The following INSR variants were observed in gnomAD, a reference collection of about 807,000 sequenced individuals.
INSR encodes the protein insulin receptor.
INSR carries 67 observed loss-of-function variants against 142.6 expected under a neutral mutation model. That is an observed-to-expected ratio of 0.47 (90% confidence interval 0.39 to 0.58). The LOEUF is 0.58. Among genes scored for constraint, INSR ranks in the 20% least tolerant of loss-of-function variants. The pLI is 0.00. For missense variants in INSR, 1,248 were observed against 1,833.2 expected, an observed-to-expected ratio of 0.68 and a Z score of 5.83; for synonymous variants, 756 against 743.1, an observed-to-expected ratio of 1.02 and a Z score of -0.28.
At chr19:7,215,427 C>G (rs531169528) in intron 2 of INSR, among the ~76,000 whole-genome samples, 2 of 152,170 alleles carry the variant, frequency 1.3e-5, no homozygotes, top group East Asian at 1.9e-4. Context: ...ACCACCACCC[C>G]CTCCACCCAC....
intron 2 of INSR, among the ~76,000 whole-genome samples, chr19:7,222,821 T>C (rs7508679): frequency 0.6 from 91,901 of 151,936 alleles, 28,204 homozygotes; most frequent in African/African-American, 0.69. Context: ...ATAAGGAAGT[T>C]TGCTTACTCC....
At position 7,122,943 on chromosome 19, in the gene INSR, AC is replaced by A. The variant is rs1282120172; in HGVS notation, c.3304del (p.Val1102Ter). On this transcript the variant is annotated frameshift_variant, in exon 18 of 22. Transcript: ENST00000302850. LOFTEE classifies it high-confidence loss of function. ...GTCTCCGTGAGCCATCAGCTCCATC[AC>A]CACCAGCGTGGGCTGGCCCTTGGAC... is the stretch of plus-strand genomic sequence containing the variant. ...VVSKGQPTLV[V>X]MELMAHGDLK... 6.2e-7 allele frequency: 1 copy of A among 1,608,306 alleles called. No individual in the cohort carries two copies. The highest frequency in any genetic ancestry group is 8.5e-7 in the Non-Finnish European group (1 of 1,178,366).
intron 14 of INSR, 106 bp from the exon 15 acceptor site, chr19:7,129,060 C>T (rs547937198): frequency 3.6e-6 from 3 of 822,682 alleles, no homozygotes; most frequent in South Asian, 1.4e-5. Context: ...CCTGTTCCTT[C>T]CCTCCCTTGT....
At chr19:7,121,219 G>A (rs1288217388) in intron 19 of INSR, among the ~76,000 whole-genome samples, 2 of 151,242 alleles carry the variant, frequency 1.3e-5, no homozygotes, top group Admixed American at 1.3e-4. Context: ...GGCTGGTCTC[G>A]AACTCCTGAT....
At chr19:7,280,200 C>A (rs1968170303) in intron 1 of INSR, among the ~76,000 whole-genome samples, 1 of 150,308 alleles carries the variant, frequency 6.7e-6, no homozygotes, top group South Asian at 2.1e-4. Context: ...GGAGGCGGAG[C>A]TTGCAGTGAG....
At chr19:7,222,958 G>A (rs777076161) in intron 2 of INSR, among the ~76,000 whole-genome samples, 1 of 152,100 alleles carries the variant, frequency 6.6e-6, no homozygotes, top group Non-Finnish European at 1.5e-5. Context: ...TAAGGAGGGC[G>A]GATCACCTGA....
chr19:7,265,735 C>CA (rs34734343), intron 2 of INSR, among the ~76,000 whole-genome samples: 2,058 of 133,532 alleles, frequency 0.015, 53 homozygotes, highest in African/African-American at 0.049. Flanking sequence ...AACTCCATCT[C>CA]AAAAAAAAAA....
At chr19:7,137,110 G>A (rs1972948261) in intron 13 of INSR, among the ~76,000 whole-genome samples, 1 of 152,030 alleles carries the variant, frequency 6.6e-6, no homozygotes. Context: ...AGGATTACAG[G>A]CGTGAGCCAC....
At chr19:7,177,507 A>G (rs921751324) in intron 3 of INSR, among the ~76,000 whole-genome samples, 4 of 151,610 alleles carry the variant, frequency 2.6e-5, no homozygotes, top group African/African-American at 9.7e-5. Flanking sequence ...TGGTTAAGTC[A>G]ATGGTTTTTT....
In INSR at chr19:7,294,125, C is replaced by G. The variant is rs897240306; in HGVS notation, c.-234G>C. 9.0e-6 allele frequency: 2 copies of G among 221,588 alleles called. No homozygotes were observed. Among genetic ancestry groups the G allele is most frequent in the Non-Finnish European group, 1.7e-5 (2 of 121,056 alleles). 13.7% of individuals were successfully genotyped at this position (221,588 alleles called of 1,614,324 possible). ...AGCGGAGGCCCTTGCGGTGGTGGCCCCGACCCCCCGGCCGCTGCGGCCCGG... is the reference window on the plus strand; with the variant it reads ...AGCGGAGGCCCTTGCGGTGGTGGCCGCGACCCCCCGGCCGCTGCGGCCCGG... On this transcript the variant is annotated 5_prime_UTR_variant, in exon 1 of 22. Coordinates refer to ENST00000302850, the MANE Select transcript of INSR (RefSeq NM_000208.4).
chr19:7,243,113 G>GA (rs1220917029), intron 2 of INSR, among the ~76,000 whole-genome samples: 1 of 151,136 alleles, frequency 6.6e-6, no homozygotes, highest in Non-Finnish European at 1.5e-5. Flanking sequence ...GATTTCCAAT[G>GA]AAAACTTTTG....
chr19:7,245,740 C>G (rs761658634), intron 2 of INSR, among the ~76,000 whole-genome samples: 3 of 152,116 alleles, frequency 2.0e-5, no homozygotes, highest in Non-Finnish European at 4.4e-5. Flanking sequence ...GCCACCACGC[C>G]CAGCCGAGCC....
intron 13 of INSR, among the ~76,000 whole-genome samples, chr19:7,135,042 C>A (rs1252930876): frequency 7.7e-6 from 1 of 129,090 alleles, no homozygotes; most frequent in Non-Finnish European, 1.5e-5. Flanking sequence ...GAGAACCGGG[C>A]TGGAACATTT....
chr19:7,149,320 A>C (rs1599905481), intron 11 of INSR, among the ~76,000 whole-genome samples: 1 of 152,042 alleles, frequency 6.6e-6, no homozygotes, highest in Admixed American at 6.6e-5. Context: ...CAGGCCACAC[A>C]GGTGCCTGGG....
rs959535800 is a variant in INSR, at chr19:7,164,205, G to A, written c.1862-1006C>T. On this transcript the variant is annotated intron_variant, in intron 8 of 21. Coordinates refer to ENST00000302850, the MANE Select transcript of INSR (RefSeq NM_000208.4). Reference sequence around the variant, plus strand: ...ATAATTCTTTGTCATGAAGGAGGGTGCATCCTGTGTGTTGCAGGACATGGA... The same window carrying A: ...ATAATTCTTTGTCATGAAGGAGGGTACATCCTGTGTGTTGCAGGACATGGA... 5.3e-5 allele frequency among the ~76,000 whole-genome samples: 8 copies of A among 151,936 alleles called. 1 individual carries two copies. The highest frequency in any genetic ancestry group is 2.1e-4 in the South Asian group (1 of 4,820).
rs750213602 is a variant in INSR, at chr19:7,125,017, GA to G, written c.3258+265del. Among the ~76,000 whole-genome samples, 5 of 152,078 alleles carry G rather than the reference GA, an allele frequency of 3.3e-5. No individual in the cohort carries two copies. The highest frequency in any genetic ancestry group is 4.8e-5 in the African/African-American group (2 of 41,408). Reference sequence around the variant, plus strand: ...TTCCAGAAAATGATGGAAGATTCCAGAAAGTGATGAAAGATTCTGGAAAGCA... The same window carrying G: ...TTCCAGAAAATGATGGAAGATTCCAGAAGTGATGAAAGATTCTGGAAAGCA... On this transcript the variant is annotated intron_variant, in intron 17 of 21. Transcript: ENST00000302850. The surrounding 1 kb of genome is among the most constrained non-coding windows in gnomAD (Gnocchi z 4.9).
chr19:7,151,139 TTC>T (rs1415052856), intron 10 of INSR, among the ~76,000 whole-genome samples: 42 of 143,692 alleles, frequency 2.9e-4, no homozygotes, highest in Admixed American at 5.6e-4. Flanking sequence ...TGTCCTTTCT[TTC>T]TCTCTTTCCT....
intron 19 of INSR, among the ~76,000 whole-genome samples, chr19:7,121,204 G>A (rs1972483566): frequency 6.6e-6 from 1 of 152,032 alleles, no homozygotes; most frequent in Non-Finnish European, 1.5e-5. Flanking sequence ...TCACCGTGTT[G>A]ACCAGGCTGG....
rs1975752900 is a variant in INSR, at chr19:7,225,585, C to T, written c.653-40948G>A. 1.3e-5 allele frequency among the ~76,000 whole-genome samples: 2 copies of T among 152,326 alleles called. No homozygotes were observed. Among genetic ancestry groups the T allele is most frequent in the African/African-American group, 4.8e-5 (2 of 41,576 alleles). On this transcript the variant is annotated intron_variant, in intron 2 of 21. Transcript: ENST00000302850. The surrounding 1 kb of genome is among the most constrained non-coding windows in gnomAD (Gnocchi z 4.7). ...CCCACCTTCATTAAATGACTATCAT[C>T]ATATTCCTCCAGATTCCTTGGTCCC... is the stretch of plus-strand genomic sequence containing the variant.
Sources: gnomAD v4.1 joint callset for allele counts (sites outside exome capture counted in the v4.1 genomes callset) on GRCh38, gnomAD v4.1.1 for gene constraint, Gnocchi (gnomAD v3.1) non-coding constraint, MANE v1.5 for transcripts, NCBI Gene and HGNC (gene_info 2026-07-23, HGNC 2026-07-21) for gene names.